PLCH2: variants seen among roughly 807,000 people sequenced by gnomAD.
PLCH2 encodes 1-phosphatidylinositol 4,5-bisphosphate phosphodiesterase eta-2.
In PLCH2, 98 loss-of-function variants were observed where a neutral mutation model predicts 134.7. The ratio of observed to expected loss-of-function variants is 0.73; its 90% CI spans 0.62 to 0.86. The LOEUF (loss-of-function observed/expected upper bound fraction) is 0.86. Among genes scored for constraint, PLCH2 ranks in the 40% least tolerant of loss-of-function variants. The probability of loss-of-function intolerance (pLI) is 0.00; values close to 1 mark genes in which losing one functional copy is unlikely to be tolerated. For missense variants in PLCH2, 1,994 were observed against 1,986.6 expected (o/e 1.00, Z -0.07); for synonymous variants, 974 against 827.5 (o/e 1.18, Z -3.04).
At chr1:2,459,458 TG>T (rs1640676962) in intron 2 of PLCH2, among the ~76,000 whole-genome samples, 1 of 50,142 alleles carries the variant, frequency 2.0e-5, no homozygotes, top group Non-Finnish European at 3.9e-5. Flanking sequence ...TCCTCCTTCC[TG>T]GTGGTTCTCC....
Position 2,439,957 on chromosome 1 carries a change from A to G in PLCH2, c.115+9328A>G, listed in dbSNP as rs1161682395. Among the ~76,000 whole-genome samples the G allele has an allele frequency of 6.6e-6, 1 of 152,124 alleles. No individual in the cohort carries two copies. Among genetic ancestry groups the G allele is most frequent in the Non-Finnish European group, 1.5e-5 (1 of 68,010 alleles). ...CCGGGACACTGCGGGGGACAAGGCA[A>G]CCAGGGAGGCTTCCCAGAGGAGGTG... is the stretch of plus-strand genomic sequence containing the variant. On this transcript the variant is annotated intron_variant, in intron 2 of 3. Transcript: ENST00000609981. This position sits in a 1 kb window ranked among gnomAD's most constrained non-coding sequence, Gnocchi z 4.7.
At chr1:2,462,787 T>A (rs4648636), upstream of PLCH2, among the ~76,000 whole-genome samples, 3 of 151,978 alleles carry the variant, frequency 2.0e-5, no homozygotes, top group African/African-American at 7.2e-5. Context: ...CTTGCCTTAC[T>A]CTGTGCTCCC....
At chr1:2,481,355 C>T (rs946041879) in intron 4 of PLCH2, among the ~76,000 whole-genome samples, 15 of 152,250 alleles carry the variant, frequency 9.9e-5, no homozygotes, top group African/African-American at 3.4e-4. Flanking sequence ...GCTGTGGGGG[C>T]TGGCAGGTGG....
chr1:2,470,809 A>G (rs1641288942), intron 1 of PLCH2, among the ~76,000 whole-genome samples: 2 of 152,116 alleles, frequency 1.3e-5, no homozygotes, highest in Non-Finnish European at 2.9e-5. Context: ...GTGACTTTTC[A>G]GGAAAGGCTC....
At chr1:2,475,401 C>T (rs534725016), upstream of PLCH2, among the ~76,000 whole-genome samples, 5 of 152,364 alleles carry the variant, frequency 3.3e-5, no homozygotes, top group East Asian at 9.6e-4. Flanking sequence ...ATGGCCAGGA[C>T]ACAGGTGGCT....
chr1:2,475,324 AGTAGAGC>A (rs1641555966), upstream of PLCH2, among the ~76,000 whole-genome samples: 1 of 141,946 alleles, frequency 7.0e-6, no homozygotes, highest in African/African-American at 3.0e-5. Flanking sequence ...TGCTGGAGCC[AGTAGAGC>A]CTGGGCAGTG....
At chr1:2,467,949 G>A (rs1557980242) in intron 1 of PLCH2, among the ~76,000 whole-genome samples, 1 of 152,202 alleles carries the variant, frequency 6.6e-6, no homozygotes, top group East Asian at 1.9e-4. Flanking sequence ...ACGTGAAAGC[G>A]AGAGGGTCTG....
chr1:2,471,452 T>C (rs1266872025), upstream of PLCH2, among the ~76,000 whole-genome samples: 1 of 152,224 alleles, frequency 6.6e-6, no homozygotes, highest in Non-Finnish European at 1.5e-5. Flanking sequence ...TGGCCTCAAG[T>C]TCCTGCACCT....
intron 10 of PLCH2, among the ~76,000 whole-genome samples, chr1:2,490,087 C>T (rs941105705): frequency 1.3e-5 from 2 of 151,198 alleles, no homozygotes; most frequent in African/African-American, 4.9e-5. Flanking sequence ...TCAGCTCCCA[C>T]ATTTGAGCTG....
intron 11 of PLCH2, chr1:2,492,522 G>C (rs1016926559): frequency 1.3e-5 from 2 of 152,410 alleles, no homozygotes; most frequent in African/African-American, 4.8e-5. Flanking sequence ...TCCTGCAGGA[G>C]GAGGAGGGGC....
chr1:2,438,550 G>A (rs1639540395), intron 2 of PLCH2, among the ~76,000 whole-genome samples: 1 of 152,174 alleles, frequency 6.6e-6, no homozygotes, highest in Non-Finnish European at 1.5e-5. Flanking sequence ...GGCAGCATGA[G>A]GGCTCTGGGT....
chr1:2,490,513 G>A (rs1018910723), intron 10 of PLCH2, among the ~76,000 whole-genome samples: 1 of 152,196 alleles, frequency 6.6e-6, no homozygotes, highest in Non-Finnish European at 1.5e-5. Context: ...ACACTGCTCT[G>A]GGGCCGCTGC....
chr1:2,501,331 C>G (rs997369325), intron 20 of PLCH2: 16 of 152,200 alleles, frequency 1.1e-4, no homozygotes, highest in African/African-American at 3.4e-4. Context: ...GCGGCTGCCT[C>G]CCTCTCAGCA....
At chr1:2,487,082 T>A in intron 6 of PLCH2, 82 bp downstream of exon 6, 1 of 1,489,560 alleles carries the variant, frequency 6.7e-7, no homozygotes, top group Non-Finnish European at 9.1e-7. Flanking sequence ...CCGGGACAGG[T>A]GTTCTGTGTT....
chr1:2,497,460 A>G, intron 15 of PLCH2, 42 bp from the exon 16 acceptor site: 2 of 1,381,136 alleles, frequency 1.4e-6, no homozygotes, highest in South Asian at 2.5e-5. Context: ...CACACCTGGA[A>G]GGTCAGGTGC....
At chr1:2,438,905 A>G (rs924347661) in intron 2 of PLCH2, among the ~76,000 whole-genome samples, 1 of 152,092 alleles carries the variant, frequency 6.6e-6, no homozygotes, top group Non-Finnish European at 1.5e-5. Flanking sequence ...TCACGGCAGC[A>G]TTGAGTGTTT....
chr1:2,503,813 GCACCGGGGA>G, intron 21 of PLCH2, 100 bp from the exon 22 acceptor site: 1 of 624,048 alleles, frequency 1.6e-6, no homozygotes. Flanking sequence ...TCGGCACAGG[GCACCGGGGA>G]CACCACCCTG....
At chr1:2,465,383 C>T (rs867104274), upstream of PLCH2, among the ~76,000 whole-genome samples, 3 of 152,198 alleles carry the variant, frequency 2.0e-5, no homozygotes, top group Admixed American at 6.5e-5. Context: ...CTCCACCCTC[C>T]GGCCAAGGCA....
upstream of PLCH2, among the ~76,000 whole-genome samples, chr1:2,472,965 T>G (rs1027537152): frequency 6.6e-6 from 1 of 152,078 alleles, no homozygotes; most frequent in Non-Finnish European, 1.5e-5. Context: ...GAAGATTCAT[T>G]ATTTTCCAGC....
Sources: allele counts gnomAD v4.1 joint callset (sites outside exome capture counted in the v4.1 genomes callset), GRCh38; gene constraint gnomAD v4.1.1; non-coding constraint Gnocchi (gnomAD v3.1); transcripts MANE v1.5; gene names NCBI Gene and HGNC (gene_info 2026-07-23, HGNC 2026-07-21).